ZDHHC14: variants seen among roughly 807,000 people sequenced by gnomAD.
The protein encoded by ZDHHC14 is palmitoyltransferase ZDHHC14.
ZDHHC14 carries 16 observed loss-of-function variants against 47.7 expected under a neutral mutation model. That is an observed-to-expected ratio of 0.34 (90% CI 0.23 to 0.51). The LOEUF (loss-of-function observed/expected upper bound fraction) is 0.51, where lower values mean the gene tolerates loss of function less well. Among genes scored for constraint, ZDHHC14 ranks in the 20% least tolerant of loss-of-function variants. The pLI is 0.97. For synonymous variants in ZDHHC14, 293 were observed against 278.9 expected (o/e 1.05, Z -0.50); for missense variants, 515 against 662.5 (o/e 0.78, Z 2.44).
intron 1 of ZDHHC14, among the ~76,000 whole-genome samples, chr6:157,542,366 C>T (rs531970734): frequency 6.6e-6 from 1 of 152,286 alleles, no homozygotes; most frequent in East Asian, 1.9e-4. Context: ...AGGGCTTGGG[C>T]GTCATACTGG....
rs537052979 is a variant in ZDHHC14, at chr6:157,443,065, T to C, written c.245+60799T>C. On this transcript the variant is annotated intron_variant, in intron 1 of 8. Transcript: ENST00000359775. ...TGTAATCTGAATTGTAAACCCCATA[T>C]GTTGGGGGAGGGACCTCGTGGGAGG... Among the ~76,000 whole-genome samples, 3 of 152,246 alleles carry C rather than the reference T, an allele frequency of 2.0e-5. No homozygotes were observed. In the East Asian group the frequency reaches 5.8e-4, roughly 29 times the overall value.
At chr6:157,632,420 A>G (rs1429469960) in intron 4 of ZDHHC14, 3 of 178,514 alleles carry the variant, frequency 1.7e-5, no homozygotes, top group Non-Finnish European at 2.4e-5. Flanking sequence ...CTGGGTGTAG[A>G]AAAAGAATTC....
At chr6:157,614,364 T>G (rs1429698095) in intron 3 of ZDHHC14, among the ~76,000 whole-genome samples, 2 of 48,410 alleles carry the variant, frequency 4.1e-5, no homozygotes, top group Admixed American at 1.7e-4. Flanking sequence ...GCTGACTGAT[T>G]TTTTTTTTTT....
In ZDHHC14 at chr6:157,509,576, C is replaced by G. The variant is rs145181678; in HGVS notation, c.246-33009C>G. On this transcript the variant is annotated intron_variant, in intron 1 of 8. Coordinates refer to ENST00000359775, the MANE Select transcript of ZDHHC14 (RefSeq NM_024630.3). ...GGCAGTGTGTCTCCAGATACTCCCT[C>G]TCTGTTACTCGCCAAGATGCCCTGC... Among the ~76,000 whole-genome samples, 6 of 152,316 alleles carry G rather than the reference C, an allele frequency of 3.9e-5. No individual in the cohort carries two copies. The East Asian group carries it at 1.2e-3, about 29-fold the overall frequency.
intron 3 of ZDHHC14, among the ~76,000 whole-genome samples, chr6:157,626,167 A>G (rs1041830335): frequency 6.6e-6 from 1 of 152,076 alleles, no homozygotes; most frequent in Non-Finnish European, 1.5e-5. Context: ...CCCAGACCCT[A>G]CATTCTTCTT....
At chr6:157,511,462 C>T (rs1276129288) in intron 1 of ZDHHC14, among the ~76,000 whole-genome samples, 3 of 151,174 alleles carry the variant, frequency 2.0e-5, no homozygotes, top group Non-Finnish European at 4.4e-5. Context: ...CTCACTACAA[C>T]CTCCGCCTCC....
chr6:157,400,312 C>T (rs1777608742), intron 1 of ZDHHC14, among the ~76,000 whole-genome samples: 1 of 152,162 alleles, frequency 6.6e-6, no homozygotes, highest in Non-Finnish European at 1.5e-5. Flanking sequence ...GAGCTGCTCC[C>T]AGCACTGTGC....
chr6:157,532,980 C>T (rs1353882635), intron 1 of ZDHHC14, among the ~76,000 whole-genome samples: 1 of 152,122 alleles, frequency 6.6e-6, no homozygotes, highest in Non-Finnish European at 1.5e-5. Context: ...ATAAGCCATG[C>T]TTTAATTAAG....
chr6:157,440,959 C>T (rs929498912), intron 1 of ZDHHC14, among the ~76,000 whole-genome samples: 2 of 152,074 alleles, frequency 1.3e-5, no homozygotes, highest in East Asian at 1.9e-4. Flanking sequence ...GGTAATTTTA[C>T]CATATATGAA....
intron 8 of ZDHHC14, among the ~76,000 whole-genome samples, chr6:157,669,545 G>C (rs1369792542): frequency 1.3e-5 from 2 of 152,224 alleles, no homozygotes; most frequent in African/African-American, 4.8e-5. Context: ...ATATTTTTCT[G>C]TGAGTCTGTG....
chr6:157,404,856 G>C (rs1777711733), intron 1 of ZDHHC14, among the ~76,000 whole-genome samples: 1 of 152,134 alleles, frequency 6.6e-6, no homozygotes, highest in South Asian at 2.1e-4. Context: ...TTCCTCATAA[G>C]CTCTTTAGCC....
intron 1 of ZDHHC14, among the ~76,000 whole-genome samples, chr6:157,414,041 A>G (rs543976146): frequency 7.9e-4 from 120 of 152,210 alleles, no homozygotes; most frequent in South Asian, 6.9e-3. Flanking sequence ...GGTTCAAGCG[A>G]TTCTCCTGCC....
At chr6:157,511,513 T>C (rs1442978740) in intron 1 of ZDHHC14, among the ~76,000 whole-genome samples, 4 of 150,062 alleles carry the variant, frequency 2.7e-5, no homozygotes, top group African/African-American at 9.9e-5. Flanking sequence ...CCCGAGTAGC[T>C]GGGATTACAG....
chr6:157,434,838 G>A (rs1272061728), intron 1 of ZDHHC14, among the ~76,000 whole-genome samples: 1 of 152,136 alleles, frequency 6.6e-6, no homozygotes, highest in Admixed American at 6.5e-5. Context: ...GCTCCATGAC[G>A]GAGAGAATCC....
rs550775272 is a variant in ZDHHC14 at position 157,393,300 on chromosome 6, G to A, written c.245+11034G>A. On this transcript the variant is annotated intron_variant, in intron 1 of 8. Transcript: ENST00000359775. The stretch of plus-strand genomic sequence containing the variant: ...ACTTCCATGCTGTTGAGAGCCATGG[G>A]AATGAGGTGGGGCCCAGCAAGGCAG... Among the ~76,000 whole-genome samples, 3 of 152,332 alleles carry A rather than the reference G, an allele frequency of 2.0e-5. 1 individual carries two copies. In the East Asian group the frequency reaches 5.8e-4, roughly 29 times the overall value.
chr6:157,394,317 C>A (rs546271434), intron 1 of ZDHHC14, among the ~76,000 whole-genome samples: 1 of 152,338 alleles, frequency 6.6e-6, no homozygotes, highest in East Asian at 1.9e-4. Flanking sequence ...TGATTCCTCT[C>A]CTCTGGAATA....
chr6:157,572,254 A>G (rs535091152), intron 2 of ZDHHC14, among the ~76,000 whole-genome samples: 1 of 152,150 alleles, frequency 6.6e-6, no homozygotes, highest in South Asian at 2.1e-4. Flanking sequence ...CCCACTTGTG[A>G]CACTCCCTCC....
chr6:157,550,434 C>T (rs948193321), intron 2 of ZDHHC14, among the ~76,000 whole-genome samples: 1 of 147,568 alleles, frequency 6.8e-6, no homozygotes, highest in Non-Finnish European at 1.5e-5. Context: ...GTGTCACACA[C>T]ACGCTCTAGA....
chr6:157,539,550 C>A (rs1419878855), intron 1 of ZDHHC14, among the ~76,000 whole-genome samples: 1 of 152,080 alleles, frequency 6.6e-6, no homozygotes, highest in Non-Finnish European at 1.5e-5. Flanking sequence ...GGAAGCTGGC[C>A]GTTTCTATTT....
Sources: gnomAD v4.1 joint callset for allele counts (sites outside exome capture counted in the v4.1 genomes callset) on GRCh38, gnomAD v4.1.1 for gene constraint, MANE v1.5 for transcripts, NCBI Gene and HGNC (gene_info 2026-07-23, HGNC 2026-07-21) for gene names.